Variants in KIAA1217 observed in about 807,000 individuals in gnomAD.
KIAA1217 encodes the protein KIAA1217, also known as sickle tail protein homolog.
KIAA1217 carries 88 observed loss-of-function variants against 163.9 expected under a neutral mutation model. The observed-to-expected ratio is 0.54, with a 90% CI of 0.45 to 0.64. KIAA1217 has a LOEUF of 0.64. Ranked by LOEUF, KIAA1217 falls within the 30% of genes least tolerant of loss-of-function variation. The pLI is 0.00. For missense variants in KIAA1217, 2,372 were observed against 2,475.0 expected, an observed-to-expected ratio of 0.96 and a Z score of 0.88; for synonymous variants, 903 against 923.1, an observed-to-expected ratio of 0.98 and a Z score of 0.39.
At chr10:23,882,086 G>A (rs1162570439) in intron 1 of KIAA1217, among the ~76,000 whole-genome samples, 1 of 151,938 alleles carries the variant, frequency 6.6e-6, no homozygotes, top group Non-Finnish European at 1.5e-5. Flanking sequence ...TATCATCAAA[G>A]TTAAAGTTTC....
chr10:24,168,182 A>G (rs370259363), intron 2 of KIAA1217, among the ~76,000 whole-genome samples: 4 of 152,310 alleles, frequency 2.6e-5, no homozygotes, highest in African/African-American at 9.6e-5. Flanking sequence ...CCTAAAAATT[A>G]TAAGATTTGA....
chr10:23,743,337 AT>A (rs752852439), intron 1 of KIAA1217, among the ~76,000 whole-genome samples: 20 of 152,016 alleles, frequency 1.3e-4, no homozygotes, highest in Non-Finnish European at 2.8e-4. Context: ...TGGTTTTCTT[AT>A]TTCTTTTGCA....
chr10:24,217,392 A>C (rs138312220), intron 1 of KIAA1217, among the ~76,000 whole-genome samples: 1 of 152,344 alleles, frequency 6.6e-6, no homozygotes, highest in Non-Finnish European at 1.5e-5. Flanking sequence ...AAGTAGAAGA[A>C]TTGACTAATT....
chr10:23,715,364 A>G (rs1837500428), intron 1 of KIAA1217, among the ~76,000 whole-genome samples: 1 of 152,202 alleles, frequency 6.6e-6, no homozygotes, highest in African/African-American at 2.4e-5. Context: ...GAAGGAAGTA[A>G]AGAAGTGAAA....
At chr10:23,776,305 A>G (rs1007110451) in intron 1 of KIAA1217, among the ~76,000 whole-genome samples, 13 of 150,598 alleles carry the variant, frequency 8.6e-5, no homozygotes, top group East Asian at 3.9e-4. Context: ...AATTTAGTCA[A>G]TGTTAAATAA....
intron 2 of KIAA1217, among the ~76,000 whole-genome samples, chr10:24,141,596 G>A (rs1434483226): frequency 6.6e-6 from 1 of 152,202 alleles, no homozygotes; most frequent in Non-Finnish European, 1.5e-5. Context: ...ACCCTAAGCA[G>A]CATGCATCAG....
intron 2 of KIAA1217, among the ~76,000 whole-genome samples, chr10:24,170,618 T>C (rs2065583683): frequency 6.6e-6 from 1 of 152,214 alleles, no homozygotes; most frequent in South Asian, 2.1e-4. Flanking sequence ...ATGGACATGA[T>C]GGTCAAAAGA....
chr10:23,881,656 C>A (rs192676067), intron 1 of KIAA1217, among the ~76,000 whole-genome samples: 58 of 152,072 alleles, frequency 3.8e-4, no homozygotes, highest in African/African-American at 1.4e-3. Context: ...CCATTACATT[C>A]GGAATTGCTA....
rs77766096 is a variant in KIAA1217, at chr10:24,287,787, A to C, written c.354+67878A>C. ...AATTCATTACCGCTTTCTGGGACCC[A>C]TGAACTGCCTTACATTGTACTAGTT... On this transcript the variant is annotated intron_variant, in intron 2 of 20. Coordinates refer to ENST00000376454, the MANE Select transcript of KIAA1217 (RefSeq NM_019590.5). Among the ~76,000 whole-genome samples the C allele has an allele frequency of 9.5e-3, 1,444 of 152,346 alleles. 29 individuals carry two copies. The highest frequency in any genetic ancestry group is 0.084 in the East Asian group (435 of 5,180).
intron 1 of KIAA1217, among the ~76,000 whole-genome samples, chr10:23,854,939 G>A (rs914305875): frequency 5.9e-5 from 9 of 152,174 alleles, no homozygotes; most frequent in African/African-American, 1.7e-4. Flanking sequence ...CCTGAATACA[G>A]CACACTGATG....
chr10:24,165,627 T>C (rs189302550), intron 2 of KIAA1217, among the ~76,000 whole-genome samples: 18 of 152,230 alleles, frequency 1.2e-4, no homozygotes, highest in African/African-American at 4.1e-4. Context: ...GGATACAAAA[T>C]TCGAGTTTTA....
chr10:23,772,027 T>A (rs962655299), intron 1 of KIAA1217, among the ~76,000 whole-genome samples: 2 of 152,252 alleles, frequency 1.3e-5, no homozygotes, highest in East Asian at 3.8e-4. Flanking sequence ...ATTTTATGCA[T>A]TTTAAATTAT....
rs181777574 is a variant in KIAA1217 at position 24,135,159 on chromosome 10, A to G, written c.-170-84467A>G. ...GGTAATAATAACATATAATAAAACA[A>G]TCCACACACTCCCTTCTCTTTCCTC... On this transcript the variant is annotated intron_variant, in intron 2 of 18. Coordinates refer to the KIAA1217 transcript ENST00000376462. Among the ~76,000 whole-genome samples the G allele has an allele frequency of 4.6e-5, 7 of 152,262 alleles. No individual in the cohort carries two copies. In the East Asian group the frequency reaches 7.7e-4, roughly 17 times the overall value.
rs71923161 is a variant in KIAA1217, at chr10:24,039,797, GATAGATATAGATATAGATATAGAT to G, written c.-171+32451_-171+32474del. 5.6e-4 allele frequency among the ~76,000 whole-genome samples: 83 copies of G among 147,634 alleles called. 2 individuals are homozygous for G. Among genetic ancestry groups the G allele is most frequent in the South Asian group, 2.4e-3 (11 of 4,566 alleles). ...ATCTTATTGGCATGATATAGATATA[GATAGATATAGATATAGATATAGAT>G]ATAGATATAGATATAGATATAGATA... On this transcript the variant is annotated intron_variant, in intron 2 of 18. Coordinates refer to the KIAA1217 transcript ENST00000376462.
intron 1 of KIAA1217, among the ~76,000 whole-genome samples, chr10:23,706,389 A>G (rs1308144093): frequency 2.6e-5 from 4 of 152,176 alleles, no homozygotes; most frequent in Non-Finnish European, 5.9e-5. Context: ...ACCATTAAGT[A>G]TAATGCTAGC....
At chr10:24,360,769 CGAG>C (rs1369529064) in intron 2 of KIAA1217, among the ~76,000 whole-genome samples, 1 of 152,116 alleles carries the variant, frequency 6.6e-6, no homozygotes, top group East Asian at 1.9e-4. Context: ...GGCCAAATGA[CGAG>C]GAATGAAGAG....
At chr10:24,092,183 C>T (rs2061961365) in intron 2 of KIAA1217, among the ~76,000 whole-genome samples, 1 of 151,650 alleles carries the variant, frequency 6.6e-6, no homozygotes, top group Admixed American at 6.6e-5. Flanking sequence ...AACCTCATGC[C>T]ACCTCCAACC....
At chr10:24,139,742 C>T (rs981887780) in intron 2 of KIAA1217, among the ~76,000 whole-genome samples, 4 of 152,162 alleles carry the variant, frequency 2.6e-5, no homozygotes, top group Non-Finnish European at 5.9e-5. Flanking sequence ...TTAATATATA[C>T]AGTAGTCCCC....
intron 1 of KIAA1217, among the ~76,000 whole-genome samples, chr10:23,844,877 T>C (rs994921050): frequency 1.3e-5 from 2 of 152,102 alleles, no homozygotes; most frequent in Non-Finnish European, 2.9e-5. Context: ...CTCCTCATGC[T>C]ATCCTCCCCT....
Sources: gnomAD v4.1 joint callset for allele counts (sites outside exome capture counted in the v4.1 genomes callset) on GRCh38, gnomAD v4.1.1 for gene constraint, MANE v1.5 for transcripts, NCBI Gene and HGNC (gene_info 2026-07-23, HGNC 2026-07-21) for gene names.